The following FBXL12 variants were observed in gnomAD, a reference collection of about 807,000 sequenced individuals.
The protein encoded by FBXL12 is F-box and leucine rich repeat protein 12, also known as F-box/LRR-repeat protein 12.
A neutral mutation model predicts 24.9 loss-of-function variants in FBXL12; 22 were observed. The observed-to-expected ratio is 0.88, with a 90% CI of 0.63 to 1.26. FBXL12 has a LOEUF of 1.26. FBXL12 is among the 50% of genes most tolerant of loss of function. The pLI is 0.00. For synonymous variants in FBXL12, 193 were observed against 193.8 expected (o/e 1.00, Z 0.03); for missense variants, 384 against 434.1 (o/e 0.88, Z 1.03).
At chr19:9,813,210 A>T in intron 2 of FBXL12, 1 of 1,225,582 alleles carries the variant, frequency 8.2e-7, no homozygotes, top group Non-Finnish European at 1.0e-6. Flanking sequence ...TATCTTAAAA[A>T]GAAAAAGTTA....
chr19:9,813,136 A>G (rs1379731586), intron 2 of FBXL12: 1 of 738,908 alleles, frequency 1.4e-6, no homozygotes, highest in African/African-American at 1.8e-5. Context: ...GGGAAGTTAG[A>G]CTTAGTAGAA....
At chr19:9,813,867 G>A (rs770840008) in intron 2 of FBXL12, among the ~76,000 whole-genome samples, 2 of 149,800 alleles carry the variant, frequency 1.3e-5, no homozygotes, top group African/African-American at 2.5e-5. Context: ...TCAAACACCC[G>A]ACCTCAAGTG....
In FBXL12 at chr19:9,818,848, A is replaced by G; in HGVS notation, c.-35T>C. On this transcript the variant is annotated 5_prime_UTR_variant, in exon 1 of 3. Coordinates refer to ENST00000247977, the MANE Select transcript of FBXL12 (RefSeq NM_017703.3). ...GACACGCACTTCCGCTTCCGGTTAAAGAGACCCGAGGGGTCCTGGGGGCGC... is the reference window on the plus strand; with the variant it reads ...GACACGCACTTCCGCTTCCGGTTAAGGAGACCCGAGGGGTCCTGGGGGCGC... 3 of 1,536,616 alleles carry G rather than the reference A, an allele frequency of 2.0e-6. No individual in the cohort carries two copies. The highest frequency in any genetic ancestry group is 2.6e-6 in the Non-Finnish European group (3 of 1,135,156).
At chr19:9,815,291 C>A (rs1257356674) in intron 2 of FBXL12, among the ~76,000 whole-genome samples, 1 of 152,218 alleles carries the variant, frequency 6.6e-6, no homozygotes, top group Admixed American at 6.5e-5. Context: ...CACACTGATG[C>A]AAGAGGTGGG....
intron 2 of FBXL12, among the ~76,000 whole-genome samples, chr19:9,815,518 G>A (rs1294795202): frequency 6.6e-6 from 1 of 152,142 alleles, no homozygotes; most frequent in Non-Finnish European, 1.5e-5. Context: ...TGGGGGCTCT[G>A]ACCCCACATT....
In FBXL12 at chr19:9,818,609, T is replaced by A. The variant is rs1465437117; in HGVS notation, c.95A>T (p.His32Leu). Residue 32 changes from histidine to leucine, a missense_variant, in exon 2 of 3, where the codon CAC (histidine) becomes CTC (leucine). Transcript: ENST00000247977. ...RDRIRISRVC[H>L]RWKRLVDDRW... ...GTCGTCCACCAGCCTCTTCCAGCGG[T>A]GACAGACCCTGGGGGAGGGGACGCG... 6.4e-7 allele frequency: 1 copy of A among 1,554,714 alleles called. No individual in the cohort carries two copies. The highest frequency in any genetic ancestry group is 8.7e-7 in the Non-Finnish European group (1 of 1,149,684).
rs1213945663 is a variant in FBXL12 at position 9,811,124 on chromosome 19, C to T, written c.753G>A (p.Met251Ile). The change falls in exon 3 of 3, where the codon ATG (methionine) becomes ATA (isoleucine). Residue 251 changes from methionine (M) to isoleucine (I), a missense_variant. Met to Ile is a conservative substitution (Grantham distance 10). Coordinates refer to ENST00000247977, the MANE Select transcript of FBXL12 (RefSeq NM_017703.3). This position sits in a 1 kb window ranked among gnomAD's most constrained non-coding sequence, Gnocchi z 6.0. ...SAPGLAVLEG[M>I]PALESLCLQG... ...GCAGGCACAGACTCTCCAGGGCCGG[C>T]ATTCCCTCCAGCACAGCCAGGCCAG... The T allele has an allele frequency of 1.1e-5, 18 of 1,604,976 alleles. No individual in the cohort carries two copies. Among genetic ancestry groups the T allele is most frequent in the Non-Finnish European group, 1.5e-5 (18 of 1,172,522 alleles).
chr19:9,814,922 T>C (rs140458158), intron 2 of FBXL12, among the ~76,000 whole-genome samples: 1,576 of 144,230 alleles, frequency 0.011, 18 homozygotes, highest in African/African-American at 0.042. Flanking sequence ...CCAAACTATA[T>C]CATTCCACCC....
chr19:9,810,706 T>C lies in FBXL12; in HGVS notation c.*190A>G. 2.1e-6 allele frequency: 1 copy of C among 479,338 alleles called. No individual in the cohort carries two copies. The allele number at this position is 479,338 out of a possible 1,614,324, so 29.7% of individuals were successfully genotyped here. On this transcript the variant is annotated 3_prime_UTR_variant, in exon 3 of 3. Transcript: ENST00000247977. The stretch of plus-strand genomic sequence containing the variant: ...GGGAACTAGGCTTCCCAGAGGCTGA[T>C]GATATGACCAAGGCCACACAGCTGG...
At position 9,811,415 on chromosome 19, in the gene FBXL12, T is replaced by G; in HGVS notation, c.462A>C (p.Glu154Asp). The G allele has an allele frequency of 6.2e-7, 1 of 1,613,448 alleles. No individual in the cohort carries two copies. Among genetic ancestry groups the G allele is most frequent in the Non-Finnish European group, 8.5e-7 (1 of 1,179,974 alleles). Residue 154 changes from glutamate to aspartate, a missense_variant, in exon 3 of 3, where the codon GAA (glutamate) becomes GAC (aspartate). Coordinates refer to ENST00000247977, the MANE Select transcript of FBXL12 (RefSeq NM_017703.3). The surrounding 1 kb of genome is among the most constrained non-coding windows in gnomAD (Gnocchi z 6.0). ...QQDPTVLPLL[E>D]CIVLDRVPAF... ...CGGGGACGCGGTCCAGCACGATGCA[T>G]TCAAGCAGGGGCAGCACGGTGGGGT... is the stretch of plus-strand genomic sequence containing the variant.
At chr19:9,817,298 T>C (rs907993732) in intron 2 of FBXL12, among the ~76,000 whole-genome samples, 12 of 152,048 alleles carry the variant, frequency 7.9e-5, no homozygotes, top group African/African-American at 2.9e-4. Context: ...AAAAAATAAA[T>C]TAGAAAAAGA....
In FBXL12 at chr19:9,818,839, T is replaced by G; in HGVS notation, c.-26A>C. On this transcript the variant is annotated 5_prime_UTR_variant, in exon 1 of 3. Transcript: ENST00000247977. ...GATCCCGCCGACACGCACTTCCGCTTCCGGTTAAAGAGACCCGAGGGGTCC... is the reference window on the plus strand; with the variant it reads ...GATCCCGCCGACACGCACTTCCGCTGCCGGTTAAAGAGACCCGAGGGGTCC... The G allele has an allele frequency of 3.9e-6, 6 of 1,544,138 alleles. No homozygotes were observed. Among genetic ancestry groups the G allele is most frequent in the Non-Finnish European group, 5.3e-6 (6 of 1,141,058 alleles).
rs372387497 is a variant in FBXL12 at position 9,811,535 on chromosome 19, C to A, written c.342G>T (p.Leu114=). The change falls in exon 3 of 3, where the codon CTG becomes CTT. Residue 114 remains leucine, a synonymous_variant. Transcript: ENST00000247977. This position sits in a 1 kb window ranked among gnomAD's most constrained non-coding sequence, Gnocchi z 6.0. ...LKRLCLHVAD[L]SMVPITSLPS... ...GCAGGCTGGTGATGGGCACCATGCT[C>A]AGGTCGGCCACGTGCAGGCAGAGGC... 1.6e-5 allele frequency: 25 copies of A among 1,611,008 alleles called. No homozygotes were observed. The highest frequency in any genetic ancestry group is 2.0e-5 in the Non-Finnish European group (23 of 1,177,974).
Position 9,811,498 on chromosome 19 carries a change from T to C in FBXL12, c.379A>G (p.Arg127Gly). 6.2e-7 allele frequency: 1 copy of C among 1,613,760 alleles called. No individual in the cohort carries two copies. Among genetic ancestry groups the C allele is most frequent in the East Asian group, 2.2e-5 (1 of 44,870 alleles). The change falls in exon 3 of 3, where the codon AGG (arginine) becomes GGG (glycine). Residue 127 changes from arginine (R) to glycine (G), a missense_variant. Physicochemically the swap from Arg to Gly is moderately radical, Grantham distance 125. Coordinates refer to ENST00000247977, the MANE Select transcript of FBXL12 (RefSeq NM_017703.3). This position sits in a 1 kb window ranked among gnomAD's most constrained non-coding sequence, Gnocchi z 6.0. Reference protein sequence around the residue: ...VPITSLPSTLRTLELHSCEIS... With the variant: ...VPITSLPSTLGTLELHSCEIS... ...TCGCAGCTGTGCAGCTCCAGGGTCC[T>C]CAAGGTGCTGGGCAGGCTGGTGATG...
intron 2 of FBXL12, among the ~76,000 whole-genome samples, chr19:9,817,680 A>G (rs976681095): frequency 6.6e-6 from 1 of 152,100 alleles, no homozygotes; most frequent in Admixed American, 6.6e-5. Context: ...TTAAAAAAAG[A>G]ACTTCAAAAG....
At chr19:9,812,759 T>TAAAAAAAAA (rs35525468) in intron 2 of FBXL12, among the ~76,000 whole-genome samples, 1 of 114,466 alleles carries the variant, frequency 8.7e-6, no homozygotes, top group African/African-American at 3.3e-5. Flanking sequence ...AGGTCTATGT[T>TAAAAAAAAA]AAAAAAAAAA....
intron 2 of FBXL12, among the ~76,000 whole-genome samples, chr19:9,812,826 C>A: frequency 6.7e-6 from 1 of 150,182 alleles, no homozygotes; most frequent in East Asian, 1.9e-4. Flanking sequence ...GTAATCCCAG[C>A]ACTTTGGGAG....
At position 9,818,897 on chromosome 19, in the gene FBXL12, C is replaced by G. The variant is rs2045943948; in HGVS notation, c.-84G>C. Reference sequence around the variant, plus strand: ...GCCGAGGCGGCTGACAGGGCGGCGGCCGCGACCTTCCCGTAGCCGGTCGAG... The same window carrying G: ...GCCGAGGCGGCTGACAGGGCGGCGGGCGCGACCTTCCCGTAGCCGGTCGAG... On this transcript the variant is annotated 5_prime_UTR_variant, in exon 1 of 3. Coordinates refer to ENST00000247977, the MANE Select transcript of FBXL12 (RefSeq NM_017703.3). The G allele has an allele frequency of 7.8e-6, 10 of 1,284,544 alleles. No individual in the cohort carries two copies. The highest frequency in any genetic ancestry group is 2.0e-4 in the Middle Eastern group (1 of 4,966). The allele number at this position is 1,284,544 out of a possible 1,614,324, so 79.6% of individuals were successfully genotyped here.
intron 2 of FBXL12, chr19:9,814,521 A>G (rs2045835806): frequency 6.6e-6 from 1 of 151,524 alleles, no homozygotes; most frequent in Non-Finnish European, 1.5e-5. Flanking sequence ...AGAAAAATAA[A>G]TAAATTAATT....
Sources: gnomAD v4.1 joint callset for allele counts (sites outside exome capture counted in the v4.1 genomes callset) on GRCh38, gnomAD v4.1.1 for gene constraint, Gnocchi (gnomAD v3.1) non-coding constraint, MANE v1.5 for transcripts, NCBI Gene and HGNC (gene_info 2026-07-23, HGNC 2026-07-21) for gene names.